PLEKHG3: variants seen among roughly 807,000 people sequenced by gnomAD.
The protein encoded by PLEKHG3 is pleckstrin homology domain-containing family G member 3.
A neutral mutation model predicts 94.9 loss-of-function variants in PLEKHG3; 62 were observed. The ratio of observed to expected loss-of-function variants is 0.65; its 90% CI spans 0.53 to 0.81. The LOEUF is 0.81. Ranked by LOEUF, PLEKHG3 falls within the 30% of genes least tolerant of loss-of-function variation. PLEKHG3 has a pLI of 0.00. For missense variants in PLEKHG3, 1,461 were observed against 1,619.3 expected (o/e 0.90, Z 1.68); for synonymous variants, 614 against 654.0 (o/e 0.94, Z 0.93).
rs139012008 is a variant in PLEKHG3 at position 64,706,514 on chromosome 14, G to A, written c.-40+1810G>A. Reference sequence around the variant, plus strand: ...AGGATCAAAGGAAGCCTCATTTGTGGAAAGTGCTCCATAAACTCCTGTTAA... The same window carrying A: ...AGGATCAAAGGAAGCCTCATTTGTGAAAAGTGCTCCATAAACTCCTGTTAA... On this transcript the variant is annotated intron_variant, in intron 1 of 16. Transcript: ENST00000247226. Among the ~76,000 whole-genome samples the A allele has an allele frequency of 6.6e-5, 10 of 152,334 alleles. No homozygotes were observed. In the East Asian group the frequency reaches 1.9e-3, roughly 29 times the overall value.
rs1407264002 is a variant in PLEKHG3 at position 64,746,242 on chromosome 14, A to G, written c.*2539A>G. On this transcript the variant is annotated 3_prime_UTR_variant, in exon 17 of 17. Coordinates refer to ENST00000247226, the MANE Select transcript of PLEKHG3 (RefSeq NM_001308147.2). This position sits in a 1 kb window ranked among gnomAD's most constrained non-coding sequence, Gnocchi z 4.9. ...TGCCAGCCCTCTTAGGCTCAGTTCA[A>G]AGGGAGAGGAGGCTAGTTAAATAAG... 2.0e-5 allele frequency: 3 copies of G among 152,198 alleles called. No individual in the cohort carries two copies. The highest frequency in any genetic ancestry group is 2.4e-5 in the African/African-American group (1 of 41,434). The allele number at this position is 152,198 out of a possible 1,614,324, so 9.4% of individuals were successfully genotyped here. A position where few individuals can be genotyped will look rare whatever the true frequency, so the allele number is the denominator to read the frequency against.
chr14:64,735,611 C>CA (rs889846337), intron 12 of PLEKHG3, among the ~76,000 whole-genome samples: 4 of 151,898 alleles, frequency 2.6e-5, no homozygotes, highest in Non-Finnish European at 2.9e-5. Flanking sequence ...GACCTTGTTG[C>CA]AAAAAAACAA....
chr14:64,743,501 C>T lies in PLEKHG3; in HGVS notation c.3458C>T (p.Pro1153Leu). 2 of 1,613,132 alleles carry T rather than the reference C, an allele frequency of 1.2e-6. No homozygotes were observed. Among genetic ancestry groups the T allele is most frequent in the Non-Finnish European group, 1.7e-6 (2 of 1,179,972 alleles). ...RVIVMEKGPL[P>L]SPTAGLEESS... ...ATTGTCATGGAGAAGGGACCCCTTC[C>T]CAGCCCCACTGCAGGGCTGGAGGAG... Residue 1153 changes from proline (P) to leucine (L), a missense_variant, in exon 17 of 17, where the codon CCC (proline) becomes CTC (leucine). Transcript: ENST00000247226. The surrounding 1 kb of genome is among the most constrained non-coding windows in gnomAD (Gnocchi z 7.2).
chr14:64,729,178 C>T, intron 3 of PLEKHG3, 85 bp downstream of exon 3: 2 of 621,956 alleles, frequency 3.2e-6, no homozygotes, highest in East Asian at 2.9e-5. Context: ...TGTCCCTGGT[C>T]TCATGGGCCT....
Position 64,727,828 on chromosome 14 carries a change from G to A in PLEKHG3, c.197G>A (p.Ser66Asn), listed in dbSNP as rs1272137376. 4.3e-6 allele frequency: 7 copies of A among 1,612,710 alleles called. No individual in the cohort carries two copies. Among genetic ancestry groups the A allele is most frequent in the African/African-American group, 1.3e-5 (1 of 74,934 alleles). ...CTGCCCAACAGCAACAACAACTCCA[G>A]CAGCTGGTTGAACGTGAAGGGGCCC... ...RHLPNSNNNS[S>N]SWLNVKGPLS... Residue 66 changes from serine (S) to asparagine (N), a missense_variant, in exon 2 of 17, where the codon AGC becomes AAC. Coordinates refer to ENST00000247226, the MANE Select transcript of PLEKHG3 (RefSeq NM_001308147.2). This position sits in a 1 kb window ranked among gnomAD's most constrained non-coding sequence, Gnocchi z 6.0.
Position 64,737,339 on chromosome 14 carries a change from G to A in PLEKHG3, c.1385-17G>A, listed in dbSNP as rs143643674. ...CCCTCGCCCGTGTGCTGGGGGACCC[G>A]GTGGTGATGTCTGCAGCCCGAGCAG... On this transcript the variant is annotated splice_polypyrimidine_tract_variant and intron_variant, in intron 13 of 16. Coordinates refer to ENST00000247226, the MANE Select transcript of PLEKHG3 (RefSeq NM_001308147.2). The A allele has an allele frequency of 6.2e-5, 100 of 1,603,036 alleles. No individual in the cohort carries two copies. In the African/African-American group the frequency reaches 8.7e-4, roughly 14 times the overall value.
Position 64,738,922 on chromosome 14 carries a change from A to G in PLEKHG3, c.1518+67A>G, listed in dbSNP as rs1226905001. ...TGGAGTCCAGATTTTCAAGTCTGCA[A>G]ATAGGGCTTTCAGGCACAGGCTCTC... is the stretch of plus-strand genomic sequence containing the variant. On this transcript the variant is annotated intron_variant, in intron 15 of 16. Transcript: ENST00000247226. The surrounding 1 kb of genome is among the most constrained non-coding windows in gnomAD (Gnocchi z 4.8). The G allele has an allele frequency of 2.0e-6, 2 of 1,005,314 alleles. No homozygotes were observed. The highest frequency in any genetic ancestry group is 5.2e-5 in the East Asian group (2 of 38,140). 62.3% of individuals were successfully genotyped at this position (1,005,314 alleles called of 1,614,324 possible). A position where few individuals can be genotyped will look rare whatever the true frequency, so the allele number is the denominator to read the frequency against.
intron 1 of PLEKHG3, among the ~76,000 whole-genome samples, chr14:64,714,654 C>T (rs960511744): frequency 2.6e-5 from 4 of 152,186 alleles, no homozygotes; most frequent in African/African-American, 7.2e-5. Context: ...TCTTTTCACA[C>T]AGGAAGTCAT....
Position 64,721,977 on chromosome 14 carries a change from C to T in PLEKHG3, c.-39-5616C>T, listed in dbSNP as rs1328461638. Among the ~76,000 whole-genome samples, 4 of 123,932 alleles carry T rather than the reference C, an allele frequency of 3.2e-5. No homozygotes were observed. The highest frequency in any genetic ancestry group is 1.0e-4 in the African/African-American group (4 of 40,076). 81.3% of individuals were successfully genotyped at this position (123,932 alleles called of 152,430 possible). ...TCTCTCTCTGGAAGTTCACATTGCT[C>T]CCACACTGTTTTTTCTGGAAAAGTT... is the stretch of plus-strand genomic sequence containing the variant. On this transcript the variant is annotated intron_variant, in intron 1 of 16. Coordinates refer to ENST00000247226, the MANE Select transcript of PLEKHG3 (RefSeq NM_001308147.2). This position sits in a 1 kb window ranked among gnomAD's most constrained non-coding sequence, Gnocchi z 4.3.
intron 12 of PLEKHG3, among the ~76,000 whole-genome samples, chr14:64,733,509 G>A (rs1477990536): frequency 2.0e-5 from 3 of 152,062 alleles, no homozygotes; most frequent in Non-Finnish European, 1.5e-5. Flanking sequence ...TGCTCGCTCC[G>A]GCCTTGGCAC....
At chr14:64,733,434 C>A (rs1047768893) in intron 12 of PLEKHG3, among the ~76,000 whole-genome samples, 6 of 152,310 alleles carry the variant, frequency 3.9e-5, no homozygotes, top group Admixed American at 3.9e-4. Context: ...TCCCAAAGTA[C>A]TGGGATTATA....
intron 1 of PLEKHG3, among the ~76,000 whole-genome samples, chr14:64,724,970 T>G (rs1041059406): frequency 1.3e-5 from 2 of 152,244 alleles, no homozygotes; most frequent in Non-Finnish European, 2.9e-5. Flanking sequence ...TCAGAGCATT[T>G]CAGCAGTTGG....
intron 1 of PLEKHG3, among the ~76,000 whole-genome samples, chr14:64,714,734 T>TGG (rs760800150): frequency 1.8e-4 from 28 of 152,332 alleles, no homozygotes; most frequent in Non-Finnish European, 3.7e-4. Flanking sequence ...GTGAACAGCT[T>TGG]GGCCTTCCCT....
Position 64,718,164 on chromosome 14 carries a change from C to T in PLEKHG3, c.-39-9429C>T, listed in dbSNP as rs1393502683. On this transcript the variant is annotated intron_variant, in intron 1 of 16. Coordinates refer to ENST00000247226, the MANE Select transcript of PLEKHG3 (RefSeq NM_001308147.2). The surrounding 1 kb of genome is among the most constrained non-coding windows in gnomAD (Gnocchi z 5.0). ...AAGCTTCCTGGTCCCCTAAGTAGCACTAGCTACTCCTTCTGTTAGCACAGT... is the reference window on the plus strand; with the variant it reads ...AAGCTTCCTGGTCCCCTAAGTAGCATTAGCTACTCCTTCTGTTAGCACAGT... Among the ~76,000 whole-genome samples the T allele has an allele frequency of 6.6e-6, 1 of 152,234 alleles. No homozygotes were observed. Among genetic ancestry groups the T allele is most frequent in the Non-Finnish European group, 1.5e-5 (1 of 68,036 alleles).
In PLEKHG3 at chr14:64,716,548, CACAA is replaced by C. The variant is rs2081166100; in HGVS notation, c.-39-11043_-39-11040del. ...ACACACACACACACACACACACACA[CACAA>C]AGCAGAGTTAATCTCCCACTTCTTC... is the stretch of plus-strand genomic sequence containing the variant. On this transcript the variant is annotated intron_variant, in intron 1 of 16. Transcript: ENST00000247226. This position sits in a 1 kb window ranked among gnomAD's most constrained non-coding sequence, Gnocchi z 5.0. Among the ~76,000 whole-genome samples the C allele has an allele frequency of 6.9e-6, 1 of 145,866 alleles. No homozygotes were observed. The highest frequency in any genetic ancestry group is 1.5e-5 in the Non-Finnish European group (1 of 66,318).
At position 64,750,184 on chromosome 14, in the gene PLEKHG3, A is replaced by G. The variant is rs774155914; in HGVS notation, c.*6481A>G. The G allele has an allele frequency of 2.5e-6, 4 of 1,606,434 alleles. No homozygotes were observed. Among genetic ancestry groups the G allele is most frequent in the Admixed American group, 1.7e-5 (1 of 59,756 alleles). ...AAAGATGCAGACAGGCAGGTCACCC[A>G]CATCCTGATATGGTATCTCTAGAGT... On this transcript the variant is annotated 3_prime_UTR_variant, in exon 17 of 17. Coordinates refer to ENST00000247226, the MANE Select transcript of PLEKHG3 (RefSeq NM_001308147.2).
chr14:64,742,896 A>G lies in PLEKHG3; in HGVS notation c.2939-86A>G, dbSNP rs2081736874. On this transcript the variant is annotated intron_variant, in intron 16 of 16. Transcript: ENST00000247226. ...AACCCCAACAACCAGCCTTGCCTGGAAAGTGAGTTGGGGCCTGCTCAGAGC... is the reference window on the plus strand; with the variant it reads ...AACCCCAACAACCAGCCTTGCCTGGGAAGTGAGTTGGGGCCTGCTCAGAGC... 9 of 1,335,970 alleles carry G rather than the reference A, an allele frequency of 6.7e-6. No individual in the cohort carries two copies. In the South Asian group the frequency reaches 8.6e-5, roughly 13 times the overall value. 82.8% of individuals were successfully genotyped at this position (1,335,970 alleles called of 1,614,324 possible).
chr14:64,731,185 G>T lies in PLEKHG3; in HGVS notation c.849+16G>T, dbSNP rs746113565. ...CCGGCTCCAGGTGCTCTGGGGCTGG[G>T]ACGCTGGGGGAGGGGCAGGGCTGGG... On this transcript the variant is annotated intron_variant, in intron 7 of 16. Coordinates refer to ENST00000247226, the MANE Select transcript of PLEKHG3 (RefSeq NM_001308147.2). The surrounding 1 kb of genome is among the most constrained non-coding windows in gnomAD (Gnocchi z 6.1). The T allele has an allele frequency of 1.3e-6, 2 of 1,561,682 alleles. No individual in the cohort carries two copies. The highest frequency in any genetic ancestry group is 1.8e-6 in the Non-Finnish European group (2 of 1,134,984).
Position 64,730,395 on chromosome 14 carries a change from GAGTCCTGGGGATTCCTTTCCAGGGAA to G in PLEKHG3, c.519+93_519+118del. 1 of 924,522 alleles carries G rather than the reference GAGTCCTGGGGATTCCTTTCCAGGGAA, an allele frequency of 1.1e-6. No homozygotes were observed. The highest frequency in any genetic ancestry group is 1.7e-6 in the Non-Finnish European group (1 of 590,042). 57.3% of individuals were successfully genotyped at this position (924,522 alleles called of 1,614,324 possible). A position where few individuals can be genotyped will look rare whatever the true frequency, so the allele number is the denominator to read the frequency against. On this transcript the variant is annotated intron_variant, in intron 4 of 16. Coordinates refer to ENST00000247226, the MANE Select transcript of PLEKHG3 (RefSeq NM_001308147.2). This position sits in a 1 kb window ranked among gnomAD's most constrained non-coding sequence, Gnocchi z 5.4. ...GAACTGCCAGCATAAGAGGACATCT[GAGTCCTGGGGATTCCTTTCCAGGGAA>G]AGTCCTGGGTGCTCTATCTTGAATG...
Sources: allele counts gnomAD v4.1 joint callset (sites outside exome capture counted in the v4.1 genomes callset), GRCh38; gene constraint gnomAD v4.1.1; non-coding constraint Gnocchi (gnomAD v3.1); transcripts MANE v1.5; gene names NCBI Gene and HGNC (gene_info 2026-07-23, HGNC 2026-07-21).